Variants in DPP4 observed in about 807,000 individuals in gnomAD.
DPP4 encodes the protein ADCP-2.
DPP4 carries 93 observed loss-of-function variants against 122.4 expected under a neutral mutation model. That is an observed-to-expected ratio of 0.76 (90% CI 0.64 to 0.90). DPP4 has a LOEUF of 0.90. DPP4 is among the 40% of genes least tolerant of loss of function. The pLI, the probability that DPP4 is intolerant of heterozygous loss-of-function variation, is 0.00. For synonymous variants in DPP4, 321 were observed against 302.9 expected (o/e 1.06, Z -0.62); for missense variants, 914 against 907.3 (o/e 1.01, Z -0.09).
intron 23 of DPP4, among the ~76,000 whole-genome samples, chr2:161,996,493 G>GGA (rs1701008592): frequency 6.6e-6 from 1 of 152,168 alleles, no homozygotes; most frequent in Admixed American, 6.5e-5. Flanking sequence ...GGCAGGAAGG[G>GGA]GATGGGGCTA....
chr2:162,004,326 A>C (rs947709121), intron 23 of DPP4, among the ~76,000 whole-genome samples: 1 of 152,198 alleles, frequency 6.6e-6, no homozygotes, highest in Admixed American at 6.5e-5. Flanking sequence ...GACAATAGCA[A>C]TGTGGTTATG....
At chr2:162,001,001 CATTT>C (rs2106075302) in intron 23 of DPP4, among the ~76,000 whole-genome samples, 1 of 152,316 alleles carries the variant, frequency 6.6e-6, no homozygotes, top group Admixed American at 6.5e-5. Context: ...TCCTGCTATT[CATTT>C]GTCTACTGTG....
chr2:162,071,621 C>G (rs1056142195), intron 2 of DPP4, among the ~76,000 whole-genome samples: 2 of 152,178 alleles, frequency 1.3e-5, no homozygotes, highest in African/African-American at 4.8e-5. Context: ...GCAGTCTGCT[C>G]AAGCACCTCT....
intron 14 of DPP4, 68 bp from the exon 15 acceptor site, chr2:162,019,344 A>T: frequency 9.0e-7 from 1 of 1,105,142 alleles, no homozygotes; most frequent in Non-Finnish European, 1.3e-6. Flanking sequence ...GATCCACCGC[A>T]CTCAGACCCC....
Position 162,073,466 on chromosome 2 carries a change from CAGA to C in DPP4, c.24_26del (p.Leu9del), listed in dbSNP as rs1189281800. ...CAAGCGCAGCAGCACCCAGCAGTCC[CAGA>C]AGAACCTTCCACGGTGTCTGCAAGC... On this transcript the variant is annotated inframe_deletion, in exon 2 of 26. Coordinates refer to ENST00000360534, the MANE Select transcript of DPP4 (RefSeq NM_001935.4). 3.4e-5 allele frequency: 55 copies of C among 1,613,948 alleles called. No individual in the cohort carries two copies. The highest frequency in any genetic ancestry group is 4.5e-5 in the Non-Finnish European group (53 of 1,180,028).
At position 162,011,822 on chromosome 2, in the gene DPP4, A is replaced by T; in HGVS notation, c.1803T>A (p.Phe601Leu). The change falls in exon 20 of 26, where the codon TTT (phenylalanine) becomes TTA (leucine). Residue 601 changes from phenylalanine (F) to leucine (L), a missense_variant. Transcript: ENST00000360534. ...MHAINRRLGT[F>L]EVEDQIEAAR... Reference sequence around the variant, plus strand: ...CTGCTTCAATTTGATCTTCAACTTCAAATGTTCCCAGTCTTCTGTTGATTG... The same window carrying T: ...CTGCTTCAATTTGATCTTCAACTTCTAATGTTCCCAGTCTTCTGTTGATTG... 6.2e-7 allele frequency: 1 copy of T among 1,613,592 alleles called. No individual in the cohort carries two copies. Among genetic ancestry groups the T allele is most frequent in the Non-Finnish European group, 8.5e-7 (1 of 1,179,646 alleles).
At chr2:162,050,193 A>T (rs776910976) in intron 2 of DPP4, among the ~76,000 whole-genome samples, 12 of 152,248 alleles carry the variant, frequency 7.9e-5, no homozygotes, top group Non-Finnish European at 1.8e-4. Context: ...TCAAATAGTT[A>T]AAAAGTGAGT....
Position 161,992,525 on chromosome 2 carries a change from G to A in DPP4, c.*758C>T, listed in dbSNP as rs573977995. The stretch of plus-strand genomic sequence containing the variant: ...AGTTTCAAGCTGCCTCTTTCACTAG[G>A]AACATCAGTATTTTTTTTTAAAAGC... On this transcript the variant is annotated 3_prime_UTR_variant, in exon 26 of 26. Coordinates refer to ENST00000360534, the MANE Select transcript of DPP4 (RefSeq NM_001935.4). The A allele has an allele frequency of 6.5e-6, 1 of 152,686 alleles. No homozygotes were observed. Among genetic ancestry groups the A allele is most frequent in the South Asian group, 2.1e-4 (1 of 4,820 alleles). 9.5% of individuals were successfully genotyped at this position (152,686 alleles called of 1,614,324 possible).
Position 162,073,983 on chromosome 2 carries a change from G to A in DPP4, c.-2C>T, listed in dbSNP as rs1461798287. Reference sequence around the variant, plus strand: ...ACGTGGCGCGGCACTCACCTTCATCGTCGGCGTCTCCTCGGAAGTGAGCGT... The same window carrying A: ...ACGTGGCGCGGCACTCACCTTCATCATCGGCGTCTCCTCGGAAGTGAGCGT... On this transcript the variant is annotated 5_prime_UTR_variant, in exon 1 of 26. In the 5' UTR this introduces an upstream ATG that the reference lacks. Coordinates refer to ENST00000360534, the MANE Select transcript of DPP4 (RefSeq NM_001935.4). 6.2e-7 allele frequency: 1 copy of A among 1,612,106 alleles called. No individual in the cohort carries two copies. The highest frequency in any genetic ancestry group is 8.5e-7 in the Non-Finnish European group (1 of 1,179,152).
chr2:162,055,000 A>C (rs1369761687), intron 2 of DPP4, among the ~76,000 whole-genome samples: 1 of 152,220 alleles, frequency 6.6e-6, no homozygotes, highest in African/African-American at 2.4e-5. Flanking sequence ...AGGCAACCAG[A>C]ATACAAAAAA....
At position 162,047,467 on chromosome 2, in the gene DPP4, G is replaced by A; in HGVS notation, c.129C>T (p.Tyr43=). The change falls in exon 3 of 26, where the codon TAC becomes TAT. Residue 43 remains tyrosine (Y), a synonymous_variant. Coordinates refer to ENST00000360534, the MANE Select transcript of DPP4 (RefSeq NM_001935.4). ...DDATADSRKT[Y]TLTDYLKNTY... Reference sequence around the variant, plus strand: ...TATTTTTTAAGTAATCAGTTAGAGTGTAAGTTTTGCGACTGTCAGCTGTAG... The same window carrying A: ...TATTTTTTAAGTAATCAGTTAGAGTATAAGTTTTGCGACTGTCAGCTGTAG... The A allele has an allele frequency of 6.3e-7, 1 of 1,583,940 alleles. No homozygotes were observed. The highest frequency in any genetic ancestry group is 8.6e-7 in the Non-Finnish European group (1 of 1,159,706).
intron 2 of DPP4, among the ~76,000 whole-genome samples, chr2:162,071,551 G>C (rs1685119278): frequency 6.6e-6 from 1 of 152,078 alleles, no homozygotes; most frequent in Non-Finnish European, 1.5e-5. Context: ...CTGAGGCAAG[G>C]GAATCACTTG....
intron 2 of DPP4, among the ~76,000 whole-genome samples, chr2:162,059,213 G>A (rs1024398360): frequency 1.3e-5 from 2 of 152,126 alleles, no homozygotes; most frequent in South Asian, 2.1e-4. Context: ...ACTAAGCAAG[G>A]TGGCAGGACT....
chr2:162,047,213 T>C (rs1353384505), intron 3 of DPP4, among the ~76,000 whole-genome samples, 190 bp downstream of exon 3: 2 of 152,096 alleles, frequency 1.3e-5, no homozygotes, highest in Non-Finnish European at 2.9e-5. Context: ...TTATTATACA[T>C]GTCAAAGAAA....
intron 4 of DPP4, among the ~76,000 whole-genome samples, chr2:162,045,941 T>A (rs552966130): frequency 6.6e-6 from 1 of 152,274 alleles, no homozygotes; most frequent in South Asian, 2.1e-4. Flanking sequence ...AGAGACTCTT[T>A]AAGGGTCATG....
chr2:162,028,001 C>T (rs1024588356), intron 10 of DPP4, among the ~76,000 whole-genome samples: 1 of 151,754 alleles, frequency 6.6e-6, no homozygotes, highest in Non-Finnish European at 1.5e-5. Flanking sequence ...ACATACTTCC[C>T]TTCAGTGGCA....
Position 162,046,880 on chromosome 2 carries a change from T to C in DPP4, c.285+35A>G, listed in dbSNP as rs201364831. 94 of 1,361,646 alleles carry C rather than the reference T, an allele frequency of 6.9e-5. 2 individuals carry two copies. The South Asian group carries it at 1.1e-3, about 16-fold the overall frequency. 84.3% of individuals were successfully genotyped at this position (1,361,646 alleles called of 1,614,324 possible). On this transcript the variant is annotated intron_variant, in intron 4 of 25. Transcript: ENST00000360534. ...AAGGTAATGAAAAAAATCCCCAGAA[T>C]TCTATGCATGAATTAATTACGTGAT... is the stretch of plus-strand genomic sequence containing the variant.
At chr2:162,011,410 A>G (rs1194203661) in intron 20 of DPP4, among the ~76,000 whole-genome samples, 1 of 152,148 alleles carries the variant, frequency 6.6e-6, no homozygotes, top group Non-Finnish European at 1.5e-5. Flanking sequence ...AAATGTACAC[A>G]GTATCCTTGA....
intron 16 of DPP4, 158 bp from the exon 17 acceptor site, chr2:162,017,313 C>T: frequency 3.2e-6 from 2 of 618,078 alleles, no homozygotes; most frequent in Non-Finnish European, 5.6e-6. Context: ...AGCTGTTTCT[C>T]CTCCCCCTCT....
Sources: allele counts gnomAD v4.1 joint callset (sites outside exome capture counted in the v4.1 genomes callset), GRCh38; gene constraint gnomAD v4.1.1; transcripts MANE v1.5; gene names NCBI Gene and HGNC (gene_info 2026-07-23, HGNC 2026-07-21).